Variants in DNA2 observed in about 807,000 individuals in gnomAD.
DNA2 encodes DNA replication helicase/nuclease 2, also known as DNA replication ATP-dependent helicase/nuclease DNA2.
A neutral mutation model predicts 119.1 loss-of-function variants in DNA2; 101 were observed. That is an observed-to-expected ratio of 0.85 (90% confidence interval 0.72 to 1.00). DNA2 has a LOEUF of 1.00. Ranked by LOEUF, DNA2 falls within the 50% of genes least tolerant of loss-of-function variation. The probability of loss-of-function intolerance (pLI) is 0.00; values close to 1 mark genes in which losing one functional copy is unlikely to be tolerated. For missense variants in DNA2, 1,121 were observed against 1,255.5 expected (o/e 0.89, Z 1.62); for synonymous variants, 366 against 424.4 (o/e 0.86, Z 1.69).
At chr10:68,457,568 T>C (rs1343058695) in intron 5 of DNA2, among the ~76,000 whole-genome samples, 8 of 152,106 alleles carry the variant, frequency 5.3e-5, no homozygotes, top group Admixed American at 5.2e-4. Context: ...TACAGTGGTA[T>C]AGAAACTCCA....
chr10:68,452,591 A>G (rs2052133681), intron 5 of DNA2, among the ~76,000 whole-genome samples: 1 of 151,768 alleles, frequency 6.6e-6, no homozygotes, highest in Non-Finnish European at 1.5e-5. Context: ...TATTATTCTG[A>G]GACAGAGTCT....
chr10:68,423,714 CTG>C (rs2051696571), intron 14 of DNA2, among the ~76,000 whole-genome samples: 1 of 152,214 alleles, frequency 6.6e-6, no homozygotes, highest in Non-Finnish European at 1.5e-5. Context: ...TCCCCGATGA[CTG>C]GTAACTGGCA....
chr10:68,430,366 G>T, intron 14 of DNA2, 70 bp downstream of exon 14: 1 of 1,123,486 alleles, frequency 8.9e-7, no homozygotes, highest in Non-Finnish European at 1.3e-6. Context: ...ATTTCCCAGA[G>T]TACAGTTTCT....
intron 18 of DNA2, 76 bp from the exon 19 acceptor site, chr10:68,419,289 G>A: frequency 8.6e-7 from 1 of 1,166,302 alleles, no homozygotes; most frequent in Non-Finnish European, 1.1e-6. Context: ...ATAATTAAAT[G>A]TTTACATTAT....
rs761165705 is a variant in DNA2, at chr10:68,459,146, T to C, written c.677A>G (p.His226Arg). 75 of 1,598,876 alleles carry C rather than the reference T, an allele frequency of 4.7e-5. 1 individual carries two copies. In the South Asian group the frequency reaches 7.6e-4, roughly 16 times the overall value. ...SFCKWAGDFM[H>R]KNTSTDFPQM... ...AGGGAAGTCAGTCGAAGTGTTTTTA[T>C]GCATGAAATCTCCTGCCCATTTACA... The change falls in exon 5 of 21, where the codon CAT (histidine) becomes CGT (arginine). Residue 226 changes from histidine to arginine, a missense_variant. By Grantham distance (29) the His-to-Arg change is conservative (BLOSUM62 0). Coordinates refer to ENST00000358410, the MANE Select transcript of DNA2 (RefSeq NM_001080449.3).
chr10:68,432,470 C>T lies in DNA2; in HGVS notation c.1687G>A (p.Asp563Asn), dbSNP rs375082819. 12 of 1,576,728 alleles carry T rather than the reference C, an allele frequency of 7.6e-6. No individual in the cohort carries two copies. Among genetic ancestry groups the T allele is most frequent in the Non-Finnish European group, 1.0e-5 (12 of 1,161,848 alleles). The part of the protein sequence containing the change: ...VLPESTLFRL[D>N]QEEKNCDIDT... ...ATATCACAATTTTTTTCTTCTTGGT[C>T]TAATCTGAACAAAGTTGATTCTGGA... Residue 563 changes from aspartate to asparagine, a missense_variant, in exon 11 of 21, where the codon GAC becomes AAC. By Grantham distance (23) the Asp-to-Asn change is conservative. Transcript: ENST00000358410.
intron 4 of DNA2, among the ~76,000 whole-genome samples, chr10:68,459,913 G>T (rs188068627): frequency 1.1e-3 from 173 of 151,818 alleles, no homozygotes; most frequent in African/African-American, 3.7e-3. Flanking sequence ...TGTAATCCCC[G>T]CTCCTTGGGA....
chr10:68,416,979 C>G, intron 19 of DNA2, 124 bp from the exon 20 acceptor site: 1 of 802,090 alleles, frequency 1.2e-6, no homozygotes, highest in Admixed American at 2.9e-5. Context: ...TGTAGTGGCT[C>G]ATGCCTGTAA....
chr10:68,446,886 T>C (rs1236986149), intron 6 of DNA2, among the ~76,000 whole-genome samples: 1 of 151,608 alleles, frequency 6.6e-6, no homozygotes, highest in African/African-American at 2.4e-5. Flanking sequence ...GGATGGTTAA[T>C]GGGTATCAAG....
At chr10:68,425,985 A>C (rs1462933670) in intron 14 of DNA2, among the ~76,000 whole-genome samples, 1 of 151,408 alleles carries the variant, frequency 6.6e-6, no homozygotes, top group Admixed American at 6.6e-5. Flanking sequence ...AAATACAAAA[A>C]ATTAACCAGG....
chr10:68,419,012 G>A (rs747066185), intron 19 of DNA2, 22 bp downstream of exon 19: 2 of 1,563,858 alleles, frequency 1.3e-6, no homozygotes, highest in Non-Finnish European at 1.7e-6. Flanking sequence ...AAATGAATCA[G>A]TAGCAAACAC....
At chr10:68,439,031 CAAA>C (rs35393675) in intron 9 of DNA2, among the ~76,000 whole-genome samples, 31 of 80,598 alleles carry the variant, frequency 3.8e-4, no homozygotes, top group African/African-American at 1.1e-3. Context: ...AGAATCTGTC[CAAA>C]AAAAAAAAAA....
At chr10:68,437,356 C>T (rs77564490) in intron 9 of DNA2, 115 bp from the exon 10 acceptor site, 3 of 933,516 alleles carry the variant, frequency 3.2e-6, no homozygotes, top group Admixed American at 2.8e-5. Flanking sequence ...ATTATTGAGG[C>T]CGGGTGTGGT....
At chr10:68,466,883 A>T (rs1564898862) in intron 3 of DNA2, among the ~76,000 whole-genome samples, 1 of 151,862 alleles carries the variant, frequency 6.6e-6, no homozygotes, top group Non-Finnish European at 1.5e-5. Context: ...CCGGTCCAAA[A>T]AGTTTTTTAA....
chr10:68,470,359 A>G (rs756372466), intron 1 of DNA2, 196 bp from the exon 2 acceptor site: 14 of 528,576 alleles, frequency 2.6e-5, no homozygotes, highest in Admixed American at 1.1e-4. Context: ...AAAACTTCCC[A>G]GAAGTAATGC....
At chr10:68,465,892 C>T (rs2052321114) in intron 3 of DNA2, 80 bp from the exon 4 acceptor site, 3 of 1,239,984 alleles carry the variant, frequency 2.4e-6, no homozygotes, top group East Asian at 2.9e-5. Flanking sequence ...TCTATTAAAC[C>T]ACCATAGCCA....
At chr10:68,421,597 T>C (rs2051665295) in intron 17 of DNA2, among the ~76,000 whole-genome samples, 1 of 151,626 alleles carries the variant, frequency 6.6e-6, no homozygotes, top group South Asian at 2.1e-4. Flanking sequence ...CTACTAAAAA[T>C]ACAAAATTAG....
intron 13 of DNA2, among the ~76,000 whole-genome samples, chr10:68,430,917 T>C (rs1241618990): frequency 2.0e-5 from 3 of 152,140 alleles, no homozygotes; most frequent in African/African-American, 7.2e-5. Context: ...GTGGATCACT[T>C]GAACCCAGAA....
chr10:68,463,512 A>G (rs1180110479), intron 4 of DNA2, among the ~76,000 whole-genome samples: 1 of 150,672 alleles, frequency 6.6e-6, no homozygotes, highest in Non-Finnish European at 1.5e-5. Context: ...ACTATAGGTC[A>G]GCACTATTCC....
Sources: allele counts gnomAD v4.1 joint callset (sites outside exome capture counted in the v4.1 genomes callset), GRCh38; gene constraint gnomAD v4.1.1; transcripts MANE v1.5; gene names NCBI Gene and HGNC (gene_info 2026-07-23, HGNC 2026-07-21).